The following LPP variants were observed in gnomAD, a reference collection of about 807,000 sequenced individuals.
The protein encoded by LPP is lipoma-preferred partner.
In LPP, 38 loss-of-function variants were observed where a neutral mutation model predicts 60.4. That is an observed-to-expected ratio of 0.63 (90% CI 0.49 to 0.83). The LOEUF (loss-of-function observed/expected upper bound fraction) is 0.83, where lower values mean the gene tolerates loss of function less well. Among genes scored for constraint, LPP ranks in the 40% least tolerant of loss-of-function variants. The probability of loss-of-function intolerance (pLI) is 0.00; values close to 1 mark genes in which losing one functional copy is unlikely to be tolerated. For missense variants in LPP, 902 were observed against 783.6 expected, an observed-to-expected ratio of 1.15 and a Z score of -1.80; for synonymous variants, 328 against 290.8, an observed-to-expected ratio of 1.13 and a Z score of -1.30.
intron 9 of LPP, among the ~76,000 whole-genome samples, chr3:188,858,446 C>T (rs1171276797): frequency 2.6e-5 from 4 of 152,102 alleles, no homozygotes; most frequent in African/African-American, 7.2e-5. Context: ...ATTACCTCTC[C>T]GGGCATTAAG....
chr3:188,277,874 T>G (rs1740545334), intron 2 of LPP, among the ~76,000 whole-genome samples: 1 of 152,220 alleles, frequency 6.6e-6, no homozygotes, highest in Non-Finnish European at 1.5e-5. Context: ...CTGGCTATTG[T>G]CATTCGCCCT....
At chr3:188,805,553 G>A (rs893601968) in intron 9 of LPP, among the ~76,000 whole-genome samples, 3 of 150,836 alleles carry the variant, frequency 2.0e-5, no homozygotes, top group East Asian at 3.9e-4. Flanking sequence ...ATTAGCTTTT[G>A]GTTTCACTGA....
At chr3:188,496,809 T>C (rs900084128) in intron 5 of LPP, among the ~76,000 whole-genome samples, 3 of 152,216 alleles carry the variant, frequency 2.0e-5, no homozygotes, top group African/African-American at 7.2e-5. Flanking sequence ...AAAATGTATC[T>C]CTACATATTG....
chr3:188,533,940 A>G (rs1290636447), intron 6 of LPP, among the ~76,000 whole-genome samples: 1 of 152,254 alleles, frequency 6.6e-6, no homozygotes, highest in African/African-American at 2.4e-5. Context: ...GTCATGCGTA[A>G]TAAGCATAAT....
intron 7 of LPP, among the ~76,000 whole-genome samples, chr3:188,655,491 A>G (rs1319970886): frequency 1.3e-5 from 2 of 152,214 alleles, no homozygotes; most frequent in Non-Finnish European, 2.9e-5. Context: ...CAATATAACG[A>G]TGCTGGGTAG....
intron 5 of LPP, among the ~76,000 whole-genome samples, chr3:188,490,797 C>G (rs570188768): frequency 3.7e-4 from 46 of 123,642 alleles, no homozygotes; most frequent in African/African-American, 1.2e-3. Flanking sequence ...CTCTGTTGTC[C>G]AGGCTGGAGT....
chr3:188,354,819 G>A (rs537865162), intron 3 of LPP, among the ~76,000 whole-genome samples: 69 of 61,250 alleles, frequency 1.1e-3, no homozygotes, highest in African/African-American at 2.9e-3. Context: ...ACGCGCGTGC[G>A]CGCACACACA....
chr3:188,845,735 T>G (rs1761230286), intron 9 of LPP, among the ~76,000 whole-genome samples: 2 of 152,184 alleles, frequency 1.3e-5, no homozygotes, highest in Admixed American at 1.3e-4. Flanking sequence ...CTCAGGTCTG[T>G]TGTTTCTGCC....
At chr3:188,539,791 G>T (rs1317806690) in intron 6 of LPP, among the ~76,000 whole-genome samples, 3 of 152,082 alleles carry the variant, frequency 2.0e-5, no homozygotes, top group Non-Finnish European at 4.4e-5. Context: ...ATGAATCTTG[G>T]CAGTAATTCT....
chr3:188,381,215 C>T (rs773406009), intron 3 of LPP, among the ~76,000 whole-genome samples: 2 of 152,108 alleles, frequency 1.3e-5, no homozygotes, highest in Non-Finnish European at 1.5e-5. Flanking sequence ...GATTATGAGG[C>T]TTTAACACAT....
chr3:188,595,875 AC>A, intron 6 of LPP, among the ~76,000 whole-genome samples: 1 of 152,244 alleles, frequency 6.6e-6, no homozygotes, highest in Non-Finnish European at 1.5e-5. Flanking sequence ...GAAGGGAGCT[AC>A]CTTAACTGTG....
At chr3:188,493,633 G>A (rs1809043710) in intron 5 of LPP, among the ~76,000 whole-genome samples, 1 of 152,068 alleles carries the variant, frequency 6.6e-6, no homozygotes, top group Non-Finnish European at 1.5e-5. Context: ...TGTAGAGACA[G>A]GGTCTTGCTA....
At chr3:188,323,622 C>T (rs1757551402) in intron 2 of LPP, among the ~76,000 whole-genome samples, 1 of 152,222 alleles carries the variant, frequency 6.6e-6, no homozygotes, top group African/African-American at 2.4e-5. Flanking sequence ...GTTGCATTCT[C>T]CTTATGTGGA....
At chr3:188,691,064 A>G (rs1277574136) in intron 7 of LPP, among the ~76,000 whole-genome samples, 2 of 152,124 alleles carry the variant, frequency 1.3e-5, no homozygotes, top group East Asian at 1.9e-4. Flanking sequence ...TGTCATGACT[A>G]TTTTGCATTT....
At chr3:188,706,116 T>TC in intron 7 of LPP, among the ~76,000 whole-genome samples, 1 of 152,338 alleles carries the variant, frequency 6.6e-6, no homozygotes, top group Non-Finnish European at 1.5e-5. Flanking sequence ...GCTTCTCTAA[T>TC]CCTCATATGA....
At chr3:188,808,779 T>C (rs369678901) in intron 9 of LPP, among the ~76,000 whole-genome samples, 5 of 152,318 alleles carry the variant, frequency 3.3e-5, no homozygotes, top group African/African-American at 1.2e-4. Context: ...ACCCGTTGTC[T>C]AGTTTTAAGC....
intron 5 of LPP, among the ~76,000 whole-genome samples, chr3:188,503,087 A>G (rs570257660): frequency 7.4e-4 from 112 of 151,740 alleles, no homozygotes; most frequent in Non-Finnish European, 1.2e-3. Flanking sequence ...TATTCAATTG[A>G]TTTTTTGTAG....
intron 2 of LPP, among the ~76,000 whole-genome samples, chr3:188,309,442 T>A (rs1752690142): frequency 6.6e-6 from 1 of 152,204 alleles, no homozygotes. Flanking sequence ...GCTATGGGCA[T>A]GATGACAGTA....
chr3:188,173,270 G>A (rs571046076), intron 1 of LPP, among the ~76,000 whole-genome samples: 2 of 152,318 alleles, frequency 1.3e-5, no homozygotes, highest in South Asian at 2.1e-4. Flanking sequence ...GGAGGCTGAG[G>A]CAGGCAGATC....
Sources: gnomAD v4.1 joint callset for allele counts (sites outside exome capture counted in the v4.1 genomes callset) on GRCh38, gnomAD v4.1.1 for gene constraint, MANE v1.5 for transcripts, NCBI Gene and HGNC (gene_info 2026-07-23, HGNC 2026-07-21) for gene names.